TRIM60: variants seen among roughly 807,000 people sequenced by gnomAD.
TRIM60 encodes tripartite motif-containing protein 60.
For synonymous variants in TRIM60, 189 were observed against 195.2 expected, an observed-to-expected ratio of 0.97 and a Z score of 0.27; for missense variants, 524 against 540.8, an observed-to-expected ratio of 0.97 and a Z score of 0.31.
chr4:165,041,503 G>T lies in TRIM60; in HGVS notation c.*15G>T. On this transcript the variant is annotated 3_prime_UTR_variant, in exon 3 of 3. Transcript: ENST00000512596. ...CTGAAAGATAAGGAACTGGTAAATG[G>T]GTCTGTTTCAGTTTTTGTAGGTAAC... 1 of 1,484,618 alleles carries T rather than the reference G, an allele frequency of 6.7e-7. No homozygotes were observed. The highest frequency in any genetic ancestry group is 9.0e-7 in the Non-Finnish European group (1 of 1,111,908). 92.0% of individuals were successfully genotyped at this position (1,484,618 alleles called of 1,614,324 possible).
At chr4:165,037,112 A>T (rs1456609373) in intron 1 of TRIM60, among the ~76,000 whole-genome samples, 1 of 151,494 alleles carries the variant, frequency 6.6e-6, no homozygotes, top group East Asian at 2.0e-4. Flanking sequence ...GAGTCAGGAG[A>T]ATCGCTTGAA....
Position 165,040,241 on chromosome 4 carries a change from C to T in TRIM60, c.169C>T (p.Arg57Cys), listed in dbSNP as rs777711092. The T allele has an allele frequency of 4.3e-6, 7 of 1,614,012 alleles. No homozygotes were observed. Among genetic ancestry groups the T allele is most frequent in the East Asian group, 4.5e-5 (2 of 44,894 alleles). ...TGATACCTTTCCCTGTCCTGTCTGC[C>T]GTTTTTGCTTTCCATACAAGAGCTT... is the stretch of plus-strand genomic sequence containing the variant. ...LDDTFPCPVCRFCFPYKSFRR... is the reference protein window; with the variant it reads ...LDDTFPCPVCCFCFPYKSFRR... The change falls in exon 3 of 3, where the codon CGT becomes TGT. Residue 57 changes from arginine to cysteine, a missense_variant. Arg to Cys is a radical substitution (Grantham distance 180, BLOSUM62 -3). Coordinates refer to ENST00000512596, the MANE Select transcript of TRIM60 (RefSeq NM_152620.3).
chr4:165,036,024 T>C (rs528393314), intron 1 of TRIM60, among the ~76,000 whole-genome samples: 1 of 152,216 alleles, frequency 6.6e-6, no homozygotes, highest in South Asian at 2.1e-4. Flanking sequence ...ACCCGACCAA[T>C]AGTGAGCCCT....
chr4:165,040,048 A>G (rs1560909144), intron 2 of TRIM60, 21 bp from the exon 3 acceptor site: 1 of 1,598,082 alleles, frequency 6.3e-7, no homozygotes, highest in Non-Finnish European at 8.5e-7. Context: ...AGGTTACCTT[A>G]TGCATTACCT....
intron 1 of TRIM60, among the ~76,000 whole-genome samples, chr4:165,033,843 A>G (rs1298656608): frequency 6.6e-6 from 1 of 152,158 alleles, no homozygotes; most frequent in African/African-American, 2.4e-5. Context: ...AAAAGTGGGA[A>G]AGGGGTGGTT....
chr4:165,040,344 A>C lies in TRIM60; in HGVS notation c.272A>C (p.Gln91Pro). 1 of 1,614,234 alleles carries C rather than the reference A, an allele frequency of 6.2e-7. No homozygotes were observed. Among genetic ancestry groups the C allele is most frequent in the Non-Finnish European group, 8.5e-7 (1 of 1,180,046 alleles). ...ATTAGGAGGAGCAAGAGAAAGAGGC[A>C]GAAAGAGAATGCCATGTGTGAAAAA... ...LQIRRSKRKR[Q>P]KENAMCEKHN... The change falls in exon 3 of 3, where the codon CAG (glutamine) becomes CCG (proline). Residue 91 changes from glutamine to proline, a missense_variant. By Grantham distance (76) the Gln-to-Pro change is moderately conservative. Coordinates refer to ENST00000512596, the MANE Select transcript of TRIM60 (RefSeq NM_152620.3).
intron 1 of TRIM60, among the ~76,000 whole-genome samples, chr4:165,038,555 C>T (rs1275819464): frequency 1.4e-5 from 2 of 147,540 alleles, no homozygotes; most frequent in South Asian, 2.1e-4. Flanking sequence ...AGCCTGTGGT[C>T]GTGGTTACTC....
intron 1 of TRIM60, among the ~76,000 whole-genome samples, chr4:165,034,423 A>G (rs1579178187): frequency 6.6e-6 from 1 of 152,164 alleles, no homozygotes; most frequent in East Asian, 1.9e-4. Context: ...AAGTGCTGGG[A>G]TTACAGGCGT....
At chr4:165,038,790 T>C (rs1279744967) in intron 1 of TRIM60, among the ~76,000 whole-genome samples, 8 of 151,884 alleles carry the variant, frequency 5.3e-5, no homozygotes, top group Admixed American at 5.2e-4. Flanking sequence ...TTTTATATTA[T>C]AGGCCAGGTG....
intron 1 of TRIM60, among the ~76,000 whole-genome samples, chr4:165,036,298 G>A (rs534226910): frequency 2.6e-5 from 4 of 152,206 alleles, no homozygotes; most frequent in Admixed American, 6.5e-5. Flanking sequence ...AATTAAGTTA[G>A]TTGATCAATG....
At chr4:165,037,517 G>A (rs1041189397) in intron 1 of TRIM60, among the ~76,000 whole-genome samples, 1 of 151,848 alleles carries the variant, frequency 6.6e-6, no homozygotes, top group African/African-American at 2.4e-5. Context: ...TAGAGATGGG[G>A]ATTCACCATG....
intron 1 of TRIM60, among the ~76,000 whole-genome samples, chr4:165,037,320 T>TTTTTG (rs112920483): frequency 0.075 from 11,400 of 151,880 alleles, 1,311 homozygotes; most frequent in African/African-American, 0.25. Flanking sequence ...CATTATACTT[T>TTTTTG]TTTTGTTTTG....
In TRIM60 at chr4:165,039,212, G is replaced by T. The variant is rs1452029495; in HGVS notation, c.-45G>T. 1 of 151,904 alleles carries T rather than the reference G, an allele frequency of 6.6e-6. No individual in the cohort carries two copies. Among genetic ancestry groups the T allele is most frequent in the Non-Finnish European group, 1.5e-5 (1 of 67,992 alleles). The allele number at this position is 151,904 out of a possible 1,614,324, so 9.4% of individuals were successfully genotyped here. On this transcript the variant is annotated 5_prime_UTR_variant, in exon 2 of 3. Transcript: ENST00000512596. ...GCTCCCCATTGCAGGTCATCAGTTT[G>T]CCCCATCATTGGTTAAGGTGGTATT...
At position 165,041,547 on chromosome 4, in the gene TRIM60, C is replaced by T. The variant is rs1733768021; in HGVS notation, c.*59C>T. 8.0e-7 allele frequency: 1 copy of T among 1,256,790 alleles called. No homozygotes were observed. The highest frequency in any genetic ancestry group is 2.6e-5 in the Admixed American group (1 of 38,884). 77.9% of individuals were successfully genotyped at this position (1,256,790 alleles called of 1,614,324 possible). A position where few individuals can be genotyped will look rare whatever the true frequency, so the allele number is the denominator to read the frequency against. ...AGGTAACTTAGCCAGTAAATTTAAT[C>T]TCATTTCTGGACTCTTTAAGTTTTA... On this transcript the variant is annotated 3_prime_UTR_variant, in exon 3 of 3. Transcript: ENST00000512596.
intron 1 of TRIM60, among the ~76,000 whole-genome samples, chr4:165,033,329 G>A (rs191148632): frequency 6.6e-5 from 10 of 152,274 alleles, no homozygotes; most frequent in East Asian, 1.9e-4. Context: ...TTGAACACAC[G>A]TTGTACACCA....
chr4:165,035,253 T>C (rs1197596712), intron 1 of TRIM60, among the ~76,000 whole-genome samples: 1 of 152,106 alleles, frequency 6.6e-6, no homozygotes, highest in Non-Finnish European at 1.5e-5. Flanking sequence ...TTTGTAGAGA[T>C]GAGGTCTTGC....
intron 1 of TRIM60, among the ~76,000 whole-genome samples, chr4:165,037,081 T>C (rs1028861411): frequency 1.3e-5 from 2 of 149,454 alleles, no homozygotes; most frequent in Non-Finnish European, 3.0e-5. Context: ...TGTGTGCCTG[T>C]AGTCCCAGCT....
At position 165,040,547 on chromosome 4, in the gene TRIM60, G is replaced by C; in HGVS notation, c.475G>C (p.Glu159Gln). The change falls in exon 3 of 3, where the codon GAA becomes CAA. Residue 159 changes from glutamate to glutamine, a missense_variant. By Grantham distance (29) the Glu-to-Gln change is conservative. Transcript: ENST00000512596. ...EPLRNNIERV[E>Q]KVIILQGSKS... is the part of the protein sequence containing the mutation. ...CTTGAGGAATAATATAGAACGAGTT[G>C]AAAAAGTGATAATTCTGCAAGGCAG... 1 of 1,613,960 alleles carries C rather than the reference G, an allele frequency of 6.2e-7. No individual in the cohort carries two copies. The highest frequency in any genetic ancestry group is 8.5e-7 in the Non-Finnish European group (1 of 1,180,004).
intron 1 of TRIM60, among the ~76,000 whole-genome samples, chr4:165,034,049 G>T (rs1733564308): frequency 6.6e-6 from 1 of 152,134 alleles, no homozygotes; most frequent in Admixed American, 6.5e-5. Flanking sequence ...GCCTGAGTCT[G>T]GAAGATGGGT....
Sources: allele counts gnomAD v4.1 joint callset (sites outside exome capture counted in the v4.1 genomes callset), GRCh38; gene constraint gnomAD v4.1.1; transcripts MANE v1.5; gene names NCBI Gene and HGNC (gene_info 2026-07-23, HGNC 2026-07-21).